The following KLF7 variants were observed in gnomAD, a reference collection of about 807,000 sequenced individuals.
KLF7 encodes the protein Krueppel-like factor 7.
KLF7 carries 2 observed loss-of-function variants against 27.3 expected under a neutral mutation model. The observed-to-expected ratio is 0.07, with a 90% CI of 0.03 to 0.23. KLF7 has a LOEUF of 0.23. KLF7 is among the 10% of genes least tolerant of loss of function. The pLI is 1.00. For missense variants in KLF7, 221 were observed against 394.1 expected (o/e 0.56, Z 3.72); for synonymous variants, 165 against 162.4 (o/e 1.02, Z -0.12).
chr2:207,092,115 C>T (rs952048590), intron 2 of KLF7, among the ~76,000 whole-genome samples: 13 of 152,012 alleles, frequency 8.6e-5, no homozygotes, highest in Admixed American at 2.6e-4. Context: ...GATACTTCTC[C>T]TGGGTATAAA....
chr2:207,170,098 C>T (rs1183748155), upstream of KLF7, among the ~76,000 whole-genome samples: 5 of 151,374 alleles, frequency 3.3e-5, no homozygotes, highest in African/African-American at 4.9e-5. Context: ...CAGTTGGCCA[C>T]TCTGTGAATG....
chr2:207,108,924 G>A (rs1048783690), intron 2 of KLF7, among the ~76,000 whole-genome samples: 2 of 152,102 alleles, frequency 1.3e-5, no homozygotes, highest in African/African-American at 2.4e-5. Flanking sequence ...GTGTAACTGA[G>A]AGGAGCATAC....
intron 2 of KLF7, among the ~76,000 whole-genome samples, chr2:207,122,767 G>T (rs190492683): frequency 2.8e-4 from 43 of 152,236 alleles, no homozygotes; most frequent in Non-Finnish European, 5.1e-4. Context: ...CTCCAAGAAT[G>T]CTTTTATACT....
In KLF7 at chr2:207,075,335, A is replaced by C. The variant is rs1193517425; in HGVS notation, c.*5878T>G. 6.7e-6 allele frequency: 1 copy of C among 149,504 alleles called. No homozygotes were observed. The highest frequency in any genetic ancestry group is 2.4e-5 in the African/African-American group (1 of 40,968). The allele number at this position is 149,504 out of a possible 1,614,324, so 9.3% of individuals were successfully genotyped here. On this transcript the variant is annotated 3_prime_UTR_variant, in exon 4 of 4. Transcript: ENST00000309446. ...TTTGTACAGCAAAAAAACTTGACAA[A>C]GTAATATATTTATATATATATATAT...
chr2:207,159,487 A>G (rs755186340), intron 1 of KLF7, among the ~76,000 whole-genome samples: 11 of 152,138 alleles, frequency 7.2e-5, no homozygotes, highest in South Asian at 2.1e-4. Flanking sequence ...AATTTTGAAC[A>G]TGCTTTCTCT....
intron 1 of KLF7, among the ~76,000 whole-genome samples, chr2:207,146,748 G>A (rs567933482): frequency 5.5e-4 from 84 of 152,258 alleles, no homozygotes; most frequent in African/African-American, 1.9e-3. Flanking sequence ...CCAGAAAAAC[G>A]GAAGAAAGAG....
chr2:207,107,291 T>C (rs1574464589), intron 2 of KLF7, among the ~76,000 whole-genome samples: 1 of 152,186 alleles, frequency 6.6e-6, no homozygotes, highest in South Asian at 2.1e-4. Flanking sequence ...AGCATTATCA[T>C]GAATAATTAA....
In KLF7 at chr2:207,140,218, A is replaced by G. The variant is rs542688003; in HGVS notation, c.103-15814T>C. Among the ~76,000 whole-genome samples, 42 of 152,348 alleles carry G rather than the reference A, an allele frequency of 2.8e-4. No homozygotes were observed. In the South Asian group the frequency reaches 6.4e-3, roughly 23 times the overall value. ...TTTAAGATTTGAATTGAGAAAACTT[A>G]TAAACACAATTTATTGAAGACCTTA... On this transcript the variant is annotated intron_variant, in intron 1 of 3. Coordinates refer to ENST00000309446, the MANE Select transcript of KLF7 (RefSeq NM_003709.4).
At chr2:207,104,441 G>T (rs748667932) in intron 2 of KLF7, among the ~76,000 whole-genome samples, 4 of 152,160 alleles carry the variant, frequency 2.6e-5, no homozygotes, top group Non-Finnish European at 5.9e-5. Context: ...CAAGACTTGT[G>T]GTCCAATTCC....
chr2:207,131,309 T>C (rs2077627629), intron 1 of KLF7, among the ~76,000 whole-genome samples: 1 of 152,224 alleles, frequency 6.6e-6, no homozygotes, highest in South Asian at 2.1e-4. Context: ...CTGACATTTA[T>C]TGTGTGGTTT....
At chr2:207,150,809 T>C (rs115945502) in intron 1 of KLF7, among the ~76,000 whole-genome samples, 291 of 152,280 alleles carry the variant, frequency 1.9e-3, no homozygotes, top group Non-Finnish European at 3.3e-3. Flanking sequence ...CCTATTGTTT[T>C]CATTTTTACT....
chr2:207,089,961 G>A (rs958299663), intron 2 of KLF7, among the ~76,000 whole-genome samples: 12 of 152,178 alleles, frequency 7.9e-5, no homozygotes, highest in African/African-American at 2.9e-4. Flanking sequence ...ACATTACCCA[G>A]GTACTATACT....
intron 1 of KLF7, chr2:207,149,302 C>T (rs1574567663): frequency 2.2e-6 from 1 of 462,670 alleles, no homozygotes; most frequent in Non-Finnish European, 3.7e-6. Context: ...ACTAGCCATA[C>T]ATTTTTCTAG....
At chr2:207,152,035 T>C (rs1383323962) in intron 1 of KLF7, among the ~76,000 whole-genome samples, 2 of 152,170 alleles carry the variant, frequency 1.3e-5, no homozygotes, top group Non-Finnish European at 2.9e-5. Context: ...CCAAGTGCCT[T>C]GCTGGCAGTA....
intron 1 of KLF7, among the ~76,000 whole-genome samples, chr2:207,134,833 C>T (rs1249933002): frequency 1.3e-5 from 2 of 152,164 alleles, no homozygotes; most frequent in Non-Finnish European, 2.9e-5. Flanking sequence ...GCCTCAGTTT[C>T]CTCACCTGTA....
the KLF7 span, among the ~76,000 whole-genome samples, chr2:207,173,208 C>T: frequency 6.6e-6 from 1 of 152,106 alleles, no homozygotes; most frequent in Non-Finnish European, 1.5e-5. Flanking sequence ...CTCATCAGGC[C>T]TCTAGTGTCC....
At chr2:207,130,619 A>G (rs942974917) in intron 1 of KLF7, among the ~76,000 whole-genome samples, 1 of 152,242 alleles carries the variant, frequency 6.6e-6, no homozygotes, top group Non-Finnish European at 1.5e-5. Flanking sequence ...TGCAACCACT[A>G]TAACTACAAC....
intron 1 of KLF7, among the ~76,000 whole-genome samples, chr2:207,127,734 T>G (rs1263277244): frequency 6.6e-6 from 1 of 151,908 alleles, no homozygotes; most frequent in Non-Finnish European, 1.5e-5. Flanking sequence ...TCCCAGCTAC[T>G]CGGGAGGCTG....
At chr2:207,138,269 C>A (rs753027962) in intron 1 of KLF7, among the ~76,000 whole-genome samples, 2 of 152,222 alleles carry the variant, frequency 1.3e-5, no homozygotes, top group African/African-American at 2.4e-5. Flanking sequence ...ATTTCCAATC[C>A]AGTTGCTTTG....
Sources: gnomAD v4.1 joint callset for allele counts (sites outside exome capture counted in the v4.1 genomes callset) on GRCh38, gnomAD v4.1.1 for gene constraint, MANE v1.5 for transcripts, NCBI Gene and HGNC (gene_info 2026-07-23, HGNC 2026-07-21) for gene names.